Variants in CDH13 observed in about 807,000 individuals in gnomAD.
CDH13 encodes the protein cadherin 13.
Under a neutral mutation model 63.8 loss-of-function variants are expected in CDH13, and 24 were observed. The ratio of observed to expected loss-of-function variants is 0.38; its 90% CI spans 0.27 to 0.53. CDH13 has a LOEUF of 0.53. CDH13 is among the 20% of genes least tolerant of loss of function. The probability of loss-of-function intolerance (pLI) is 0.85; values close to 1 mark genes in which losing one functional copy is unlikely to be tolerated. For synonymous variants in CDH13, 503 were observed against 355.3 expected (o/e 1.42, Z -4.67); for missense variants, 1,049 against 903.1 (o/e 1.16, Z -2.07).
At chr16:83,488,379 GA>G (rs2073940874) in intron 7 of CDH13, among the ~76,000 whole-genome samples, 1 of 151,676 alleles carries the variant, frequency 6.6e-6, no homozygotes, top group South Asian at 2.1e-4. Context: ...GGCATAGAGG[GA>G]AAAAAAGGAA....
At chr16:82,851,597 G>A (rs1328387232) in intron 1 of CDH13, among the ~76,000 whole-genome samples, 2 of 152,128 alleles carry the variant, frequency 1.3e-5, no homozygotes, top group South Asian at 2.1e-4. Context: ...TGTGTTCCTG[G>A]GGCTGTAAAA....
At chr16:83,448,037 G>A (rs2072763841) in intron 6 of CDH13, among the ~76,000 whole-genome samples, 1 of 152,160 alleles carries the variant, frequency 6.6e-6, no homozygotes, top group Non-Finnish European at 1.5e-5. Context: ...ACTTCCAAGG[G>A]AATGAGAGGA....
intron 1 of CDH13, among the ~76,000 whole-genome samples, chr16:82,788,709 C>T (rs973022183): frequency 6.6e-6 from 1 of 152,208 alleles, no homozygotes; most frequent in Non-Finnish European, 1.5e-5. Flanking sequence ...CAGTTAATGT[C>T]TTCCTCTCCT....
intron 3 of CDH13, among the ~76,000 whole-genome samples, chr16:83,085,507 A>C (rs2033535688): frequency 6.6e-6 from 1 of 152,176 alleles, no homozygotes; most frequent in African/African-American, 2.4e-5. Flanking sequence ...CCAGCCAGCC[A>C]TGCTTGTCCT....
At chr16:83,508,365 C>T (rs923654044) in intron 7 of CDH13, 2 of 154,398 alleles carry the variant, frequency 1.3e-5, no homozygotes, top group Non-Finnish European at 2.9e-5. Flanking sequence ...GTAGTGTAGT[C>T]CGTGCATCCG....
At chr16:83,655,115 T>G (rs1350438476) in intron 8 of CDH13, 2 of 152,204 alleles carry the variant, frequency 1.3e-5, no homozygotes, top group South Asian at 4.1e-4. Context: ...GGATTCCTGT[T>G]GTTGAACACA....
chr16:83,562,799 A>G (rs182549164), intron 7 of CDH13, among the ~76,000 whole-genome samples: 118 of 152,344 alleles, frequency 7.7e-4, no homozygotes, highest in South Asian at 1.9e-3. Context: ...GTGTTCCTAT[A>G]AAACTAATAA....
intron 5 of CDH13, among the ~76,000 whole-genome samples, chr16:83,272,398 C>G (rs935956309): frequency 6.6e-6 from 1 of 152,218 alleles, no homozygotes; most frequent in East Asian, 1.9e-4. Flanking sequence ...GCGTTCCAGG[C>G]AGAGTGAATA....
At chr16:82,864,274 A>C (rs1284539677) in intron 2 of CDH13, among the ~76,000 whole-genome samples, 2 of 152,178 alleles carry the variant, frequency 1.3e-5, no homozygotes, top group Non-Finnish European at 2.9e-5. Flanking sequence ...ATGTTGACAA[A>C]AGAGAGTGAG....
intron 1 of CDH13, among the ~76,000 whole-genome samples, chr16:82,806,899 G>A (rs974143536): frequency 6.6e-6 from 1 of 152,124 alleles, no homozygotes; most frequent in African/African-American, 2.4e-5. Context: ...AGAATAATAT[G>A]CTCTAGCATA....
At chr16:83,127,246 G>C (rs983942330) in intron 4 of CDH13, among the ~76,000 whole-genome samples, 3 of 152,166 alleles carry the variant, frequency 2.0e-5, no homozygotes, top group Non-Finnish European at 4.4e-5. Context: ...GAGGAGTTGG[G>C]GTTTCATCGT....
chr16:83,507,088 C>A (rs553519362), intron 7 of CDH13, among the ~76,000 whole-genome samples: 1 of 152,220 alleles, frequency 6.6e-6, no homozygotes. Flanking sequence ...AATTGCTGCT[C>A]ATTTCTCTGT....
At chr16:82,831,288 C>A (rs2038529642) in intron 1 of CDH13, among the ~76,000 whole-genome samples, 1 of 152,162 alleles carries the variant, frequency 6.6e-6, no homozygotes, top group Non-Finnish European at 1.5e-5. Flanking sequence ...CGAAACCATA[C>A]ATTTATCCTT....
At chr16:83,294,518 TTAACA>T (rs2089541861) in intron 5 of CDH13, among the ~76,000 whole-genome samples, 1 of 152,108 alleles carries the variant, frequency 6.6e-6, no homozygotes, top group East Asian at 1.9e-4. Flanking sequence ...CTTGAGTTAC[TTAACA>T]TAATGTCCTC....
At chr16:83,261,850 G>T (rs1020751025) in intron 5 of CDH13, among the ~76,000 whole-genome samples, 8 of 152,180 alleles carry the variant, frequency 5.3e-5, no homozygotes, top group Middle Eastern at 3.4e-3. Context: ...TCTTGTGCCT[G>T]CCTGCCAAGG....
chr16:82,921,377 C>G lies in CDH13; in HGVS notation c.157+62904C>G, dbSNP rs1196726018. 2.0e-5 allele frequency among the ~76,000 whole-genome samples: 3 copies of G among 152,146 alleles called. No individual in the cohort carries two copies. In the East Asian group the frequency reaches 5.8e-4, roughly 29 times the overall value. The stretch of plus-strand genomic sequence containing the variant: ...TCACTTTGATCCTCAAGGCCACTAT[C>G]TTCAAGTATCCCTTTTCTCTGGTGT... On this transcript the variant is annotated intron_variant, in intron 2 of 13. Coordinates refer to ENST00000567109, the MANE Select transcript of CDH13 (RefSeq NM_001257.5).
At chr16:83,781,657 C>T (rs1334284735) in intron 12 of CDH13, among the ~76,000 whole-genome samples, 1 of 151,912 alleles carries the variant, frequency 6.6e-6, no homozygotes, top group African/African-American at 2.4e-5. Context: ...AACAGACCTT[C>T]TCTTGTTTGA....
chr16:83,230,337 A>G (rs1190159526), intron 5 of CDH13, among the ~76,000 whole-genome samples: 2 of 152,136 alleles, frequency 1.3e-5, no homozygotes, highest in Admixed American at 1.3e-4. Flanking sequence ...AACCCGGGAA[A>G]GCAGGCACAG....
chr16:82,836,211 C>T (rs547986011), intron 1 of CDH13, among the ~76,000 whole-genome samples: 3 of 152,210 alleles, frequency 2.0e-5, no homozygotes, highest in African/African-American at 7.2e-5. Context: ...TGCAGTGGCG[C>T]GATCTCGGCT....
Sources: allele counts gnomAD v4.1 joint callset (sites outside exome capture counted in the v4.1 genomes callset), GRCh38; gene constraint gnomAD v4.1.1; transcripts MANE v1.5; gene names NCBI Gene and HGNC (gene_info 2026-07-23, HGNC 2026-07-21).